The following STYXL1 variants were observed in gnomAD, a reference collection of about 807,000 sequenced individuals.
STYXL1 encodes serine/threonine/tyrosine-interacting-like protein 1.
In STYXL1, 32 loss-of-function variants were observed where a neutral mutation model predicts 36.4. The observed-to-expected ratio is 0.88, with a 90% CI of 0.66 to 1.18. The LOEUF (loss-of-function observed/expected upper bound fraction) is 1.18, where lower values mean the gene tolerates loss of function less well. Among genes scored for constraint, STYXL1 ranks in the 50% most tolerant of loss-of-function variants. The pLI is 0.00. For synonymous variants in STYXL1, 133 were observed against 144.1 expected (o/e 0.92, Z 0.55); for missense variants, 354 against 394.1 (o/e 0.90, Z 0.86).
At chr7:76,037,767 A>C (rs1796064212) in intron 1 of STYXL1, among the ~76,000 whole-genome samples, 1 of 149,762 alleles carries the variant, frequency 6.7e-6, no homozygotes, top group African/African-American at 2.4e-5. Flanking sequence ...ACAACACTTG[A>C]TGATCCTGGA....
At position 76,042,351 on chromosome 7, in the gene STYXL1, G is replaced by A. The variant is rs1467161698; in HGVS notation, c.-5+5311C>T. On this transcript the variant is annotated intron_variant, in intron 1 of 8. Transcript: ENST00000359697. ...AAGTTAAGGCCACTGGCTGTGAGTC[G>A]CCCTCCTCCACCAACTGCTCCCTGG... Among the ~76,000 whole-genome samples the A allele has an allele frequency of 3.8e-5, 5 of 133,294 alleles. No individual in the cohort carries two copies. In the East Asian group the frequency reaches 9.9e-4, roughly 26 times the overall value. 87.4% of individuals were successfully genotyped at this position (133,294 alleles called of 152,430 possible).
At position 76,000,723 on chromosome 7, in the gene STYXL1, T is replaced by C. The variant is rs1159820250; in HGVS notation, c.810+167A>G. 1.2e-4 allele frequency among the ~76,000 whole-genome samples: 19 copies of C among 152,204 alleles called. 1 individual carries two copies. ...GCCTCAGGCCTCAAGCATGCAACAC[T>C]GGGGCCTTGCCCTTGGGTGACGCGG... is the stretch of plus-strand genomic sequence containing the variant. On this transcript the variant is annotated intron_variant, in intron 8 of 8. Transcript: ENST00000359697.
rs1217609766 is a variant in STYXL1 at position 76,013,952 on chromosome 7, A to G, written c.308-65T>C. The G allele has an allele frequency of 5.5e-6, 8 of 1,462,842 alleles. No individual in the cohort carries two copies. In the South Asian group the frequency reaches 6.7e-5, roughly 12 times the overall value. 90.6% of individuals were successfully genotyped at this position (1,462,842 alleles called of 1,614,324 possible). A position where few individuals can be genotyped will look rare whatever the true frequency, so the allele number is the denominator to read the frequency against. ...TCTGCCATTGGTCTAGAGCTGGGAT[A>G]GATGACCACTTTCTTCTGAAATGCA... On this transcript the variant is annotated intron_variant, in intron 4 of 8. Coordinates refer to ENST00000359697, the MANE Select transcript of STYXL1 (RefSeq NM_001317785.2).
intron 1 of STYXL1, among the ~76,000 whole-genome samples, chr7:76,033,123 C>T (rs1446945013): frequency 1.3e-5 from 2 of 152,108 alleles, no homozygotes; most frequent in Non-Finnish European, 2.9e-5. Flanking sequence ...CAGGCCTGTG[C>T]AGGAGCTTCC....
intron 4 of STYXL1, 120 bp downstream of exon 4, chr7:76,021,731 C>T: frequency 1.3e-6 from 1 of 750,840 alleles, no homozygotes; most frequent in Admixed American, 2.1e-5. Flanking sequence ...GACGCAAACC[C>T]TGCTGTCTCA....
intron 3 of STYXL1, among the ~76,000 whole-genome samples, chr7:76,025,379 G>A (rs2116179601): frequency 6.6e-6 from 1 of 152,256 alleles, no homozygotes; most frequent in South Asian, 2.1e-4. Flanking sequence ...CCCAGAGCAG[G>A]AGGTGCTGCC....
rs1383212838 is a variant in STYXL1, at chr7:76,047,772, T to C, written c.-115A>G. 9.3e-6 allele frequency: 4 copies of C among 428,500 alleles called. No individual in the cohort carries two copies. Among genetic ancestry groups the C allele is most frequent in the African/African-American group, 2.2e-5 (1 of 45,958 alleles). The allele number at this position is 428,500 out of a possible 1,614,324, so 26.5% of individuals were successfully genotyped here. A position where few individuals can be genotyped will look rare whatever the true frequency, so the allele number is the denominator to read the frequency against. The stretch of plus-strand genomic sequence containing the variant: ...CTCCACCTCCCCGGCTGCGCGACTA[T>C]GGCCAGGCTCCCTGTCGGAGCCTCT... On this transcript the variant is annotated 5_prime_UTR_variant, in exon 1 of 9. Coordinates refer to ENST00000359697, the MANE Select transcript of STYXL1 (RefSeq NM_001317785.2).
At chr7:76,022,361 T>C (rs1371920468) in intron 3 of STYXL1, among the ~76,000 whole-genome samples, 1 of 151,980 alleles carries the variant, frequency 6.6e-6, no homozygotes, top group African/African-American at 2.4e-5. Flanking sequence ...CAGTGGAGAT[T>C]GAATCCAGAA....
chr7:76,031,813 G>C (rs1028693831), intron 1 of STYXL1, among the ~76,000 whole-genome samples: 2 of 152,050 alleles, frequency 1.3e-5, no homozygotes, highest in African/African-American at 4.8e-5. Flanking sequence ...CTGTAAAACA[G>C]CTGCCAGTTC....
At chr7:76,006,546 G>C (rs933390370) in intron 5 of STYXL1, among the ~76,000 whole-genome samples, 1 of 151,928 alleles carries the variant, frequency 6.6e-6, no homozygotes. Flanking sequence ...GGCGGATCAC[G>C]AGGTCAGGAG....
At chr7:76,006,914 G>A (rs1463424375) in intron 5 of STYXL1, among the ~76,000 whole-genome samples, 2 of 152,146 alleles carry the variant, frequency 1.3e-5, no homozygotes, top group Non-Finnish European at 2.9e-5. Flanking sequence ...AGGGTTCAGG[G>A]GTTCAGATAA....
chr7:76,030,379 G>T, intron 2 of STYXL1, 42 bp downstream of exon 2: 1 of 1,428,144 alleles, frequency 7.0e-7, no homozygotes, highest in Non-Finnish European at 9.9e-7. Context: ...ATGTTTGAAG[G>T]ACACTGTGTT....
intron 1 of STYXL1, among the ~76,000 whole-genome samples, chr7:76,041,072 C>A (rs1167810381): frequency 6.6e-6 from 1 of 150,848 alleles, no homozygotes; most frequent in African/African-American, 2.4e-5. Context: ...CGTGGTGGCT[C>A]ACACTTGTAA....
At position 76,038,381 on chromosome 7, in the gene STYXL1, G is replaced by A. The variant is rs955204983; in HGVS notation, c.-4-7854C>T. Among the ~76,000 whole-genome samples, 11 of 148,376 alleles carry A rather than the reference G, an allele frequency of 7.4e-5. 1 individual carries two copies. Among genetic ancestry groups the A allele is most frequent in the South Asian group, 2.2e-4 (1 of 4,488 alleles). On this transcript the variant is annotated intron_variant, in intron 1 of 8. Coordinates refer to ENST00000359697, the MANE Select transcript of STYXL1 (RefSeq NM_001317785.2). ...ACCTCCCTACTCGTTATGTGACTTC[G>A]AGGCTGTCAGGACCTGCTTTATGTT...
chr7:76,009,992 C>T (rs909037491), intron 5 of STYXL1, among the ~76,000 whole-genome samples: 6 of 152,198 alleles, frequency 3.9e-5, no homozygotes, highest in African/African-American at 1.2e-4. Context: ...ACTGTCAAAA[C>T]GGACCATACC....
rs11395068 is a variant in STYXL1, at chr7:76,031,714, C to CAAA, written c.-4-1190_-4-1188dup. On this transcript the variant is annotated intron_variant, in intron 1 of 8. Coordinates refer to ENST00000359697, the MANE Select transcript of STYXL1 (RefSeq NM_001317785.2). ...TGGGCTACAGAATAAGACTCCATCT[C>CAAA]AAAAAAAAAAAAAAATGTGTAGTGA... is the stretch of plus-strand genomic sequence containing the variant. Among the ~76,000 whole-genome samples, 879 of 134,724 alleles carry CAAA rather than the reference C, an allele frequency of 6.5e-3. 12 individuals are homozygous for CAAA. Among genetic ancestry groups the CAAA allele is most frequent in the African/African-American group, 0.021 (758 of 35,516 alleles). The allele number at this position is 134,724 out of a possible 152,430, so 88.4% of individuals were successfully genotyped here.
At chr7:76,023,863 A>G (rs975604222) in intron 3 of STYXL1, among the ~76,000 whole-genome samples, 23 of 152,082 alleles carry the variant, frequency 1.5e-4, no homozygotes, top group African/African-American at 5.3e-4. Context: ...AAATACAAAA[A>G]TTAGCCAGGT....
intron 5 of STYXL1, among the ~76,000 whole-genome samples, chr7:76,006,153 T>G (rs1183501714): frequency 6.6e-5 from 10 of 152,060 alleles, no homozygotes; most frequent in Non-Finnish European, 1.2e-4. Context: ...CTCGCTGCAG[T>G]CTTATCTTCC....
intron 1 of STYXL1, among the ~76,000 whole-genome samples, chr7:76,031,398 G>C (rs1554579285): frequency 6.9e-6 from 1 of 145,852 alleles, no homozygotes; most frequent in Non-Finnish European, 1.5e-5. Flanking sequence ...GAGTAACCAA[G>C]GAAGTGATCA....
Sources: allele counts gnomAD v4.1 joint callset (sites outside exome capture counted in the v4.1 genomes callset), GRCh38; gene constraint gnomAD v4.1.1; transcripts MANE v1.5; gene names NCBI Gene and HGNC (gene_info 2026-07-23, HGNC 2026-07-21).